Variants in RHCG observed in about 807,000 individuals in gnomAD.
RHCG encodes the protein Rh family C glycoprotein, also known as ammonium transporter Rh type C.
RHCG carries 39 observed loss-of-function variants against 55.3 expected under a neutral mutation model. That is an observed-to-expected ratio of 0.70 (90% CI 0.55 to 0.92). RHCG has a LOEUF of 0.92. RHCG is among the 40% of genes least tolerant of loss of function. The pLI is 0.00. For synonymous variants in RHCG, 250 were observed against 246.8 expected (o/e 1.01, Z -0.12); for missense variants, 635 against 627.9 (o/e 1.01, Z -0.12).
Position 89,486,788 on chromosome 15 carries a change from C to T in RHCG, c.371+11G>A, listed in dbSNP as rs770508678. The T allele has an allele frequency of 2.8e-5, 44 of 1,578,718 alleles. 1 individual carries two copies. In the South Asian group the frequency reaches 4.9e-4, roughly 18 times the overall value. The stretch of plus-strand genomic sequence containing the variant: ...AGTCCGCCACGCCCCCGGGGCCCGC[C>T]CTGCGCTCACTTCTCCACGCCCACG... On this transcript the variant is annotated intron_variant, in intron 2 of 10. Transcript: ENST00000268122.
Position 89,479,345 on chromosome 15 carries a change from G to A in RHCG, c.814C>T (p.His272Tyr). The A allele has an allele frequency of 6.2e-7, 1 of 1,614,036 alleles. No homozygotes were observed. Among genetic ancestry groups the A allele is most frequent in the Non-Finnish European group, 8.5e-7 (1 of 1,179,984 alleles). The change falls in exon 5 of 11, where the codon CAC becomes TAC. Residue 272 changes from histidine to tyrosine, a missense_variant. His to Tyr is a moderately conservative substitution (Grantham distance 83). Coordinates refer to ENST00000268122, the MANE Select transcript of RHCG (RefSeq NM_016321.3). ...LTSVAISSAL[H>Y]KKGKLDMVHI... ...ACCATGTCCAGCTTGCCCTTCTTGT[G>A]CAGGGCACTGGATATTGCCACCGAG...
At chr15:89,478,048 C>A in intron 5 of RHCG, 74 bp from the exon 6 acceptor site, 1 of 1,531,202 alleles carries the variant, frequency 6.5e-7, no homozygotes, top group Non-Finnish European at 8.8e-7. Flanking sequence ...AGCTCACTTG[C>A]TGGCTGTGCA....
intron 1 of RHCG, 134 bp from the exon 2 acceptor site, chr15:89,487,119 A>C: frequency 2.6e-6 from 2 of 759,976 alleles, no homozygotes; most frequent in Non-Finnish European, 3.9e-6. Flanking sequence ...CACCATCCTA[A>C]CCCGGTTCCC....
chr15:89,475,012 G>A (rs1347870967), intron 9 of RHCG, among the ~76,000 whole-genome samples: 3 of 79,284 alleles, frequency 3.8e-5, no homozygotes, highest in South Asian at 4.0e-4. Context: ...CTTCCTGCCC[G>A]CCTTCCTTCC....
chr15:89,489,761 C>A (rs541206979), intron 1 of RHCG, among the ~76,000 whole-genome samples: 1 of 152,320 alleles, frequency 6.6e-6, no homozygotes, highest in Non-Finnish European at 1.5e-5. Context: ...ATTGTCACCT[C>A]ATTAGAGAGG....
intron 1 of RHCG, among the ~76,000 whole-genome samples, chr15:89,495,184 T>C (rs1386900409): frequency 2.6e-5 from 4 of 152,192 alleles, no homozygotes; most frequent in African/African-American, 4.8e-5. Context: ...ATGCAGCCCA[T>C]GATAGCCCTA....
At chr15:89,488,548 T>G (rs1468084829) in intron 1 of RHCG, among the ~76,000 whole-genome samples, 1 of 152,186 alleles carries the variant, frequency 6.6e-6, no homozygotes, top group Non-Finnish European at 1.5e-5. Flanking sequence ...ACCTATCCCC[T>G]AGGTGGGATT....
chr15:89,486,403 T>C (rs1596406564), intron 2 of RHCG: 1 of 456,692 alleles, frequency 2.2e-6, no homozygotes, highest in East Asian at 6.9e-5. Context: ...GCGATTTTGA[T>C]GTGCCGGGCC....
At chr15:89,480,923 C>T (rs1358905775) in intron 3 of RHCG, among the ~76,000 whole-genome samples, 1 of 152,194 alleles carries the variant, frequency 6.6e-6, no homozygotes, top group Non-Finnish European at 1.5e-5. Flanking sequence ...TCTTTTACCT[C>T]CTCCTTCCTC....
intron 1 of RHCG, 53 bp downstream of exon 1, chr15:89,496,308 G>A (rs1961564517): frequency 1.9e-6 from 3 of 1,594,952 alleles, no homozygotes; most frequent in Non-Finnish European, 2.6e-6. Context: ...CCTTGGCCAG[G>A]TGGGGACCGG....
In RHCG at chr15:89,477,161, G is replaced by T. The variant is rs147663877; in HGVS notation, c.1158C>A (p.Thr386=). The stretch of plus-strand genomic sequence containing the variant: ...TCTGGAACTTTCCCTGTGTTCTTGC[G>T]GTCCAGTCCCCGTTGAAACCTTGAA... ...FDFQGFNGDW[T]ARTQGKFQIY... is the part of the protein sequence containing the mutation. The change falls in exon 8 of 11, where the codon ACC becomes ACA. Residue 386 remains threonine (T), a synonymous_variant. Coordinates refer to ENST00000268122, the MANE Select transcript of RHCG (RefSeq NM_016321.3). This position sits in a 1 kb window ranked among gnomAD's most constrained non-coding sequence, Gnocchi z 4.5. 1.9e-5 allele frequency: 31 copies of T among 1,613,998 alleles called. No individual in the cohort carries two copies. In the African/African-American group the frequency reaches 3.6e-4, roughly 19 times the overall value.
At chr15:89,485,179 A>T (rs560873799) in intron 2 of RHCG, among the ~76,000 whole-genome samples, 13 of 151,022 alleles carry the variant, frequency 8.6e-5, no homozygotes, top group African/African-American at 2.2e-4. Context: ...GGTTTGTAAT[A>T]ATTCCCTTTG....
intron 1 of RHCG, among the ~76,000 whole-genome samples, chr15:89,487,676 AGTT>A (rs1212413072): frequency 1.3e-5 from 2 of 152,192 alleles, no homozygotes; most frequent in Admixed American, 6.5e-5. Context: ...ACTCTGGGAA[AGTT>A]AAGTATTTTA....
chr15:89,478,373 C>T (rs145806075), intron 5 of RHCG, among the ~76,000 whole-genome samples: 56 of 152,300 alleles, frequency 3.7e-4, no homozygotes, highest in African/African-American at 1.1e-3. Context: ...GACATAGGCA[C>T]GCACCAGCTG....
At position 89,496,487 on chromosome 15, in the gene RHCG, C is replaced by G; in HGVS notation, c.58G>C (p.Val20Leu). Reference protein sequence around the residue: ...RLPLTCLLLQVIMVILFGVFV... With the variant: ...RLPLTCLLLQLIMVILFGVFV... ...ACCCCGAAGAGAATCACCATAATCA[C>G]CTGCAGGAGCAGGCAGGTGAGCGGC... The change falls in exon 1 of 11, where the codon GTG becomes CTG. Residue 20 changes from valine to leucine, a missense_variant. Val to Leu is a conservative substitution (Grantham distance 32). Transcript: ENST00000268122. The G allele has an allele frequency of 1.2e-6, 2 of 1,613,852 alleles. No individual in the cohort carries two copies. Among genetic ancestry groups the G allele is most frequent in the Non-Finnish European group, 1.7e-6 (2 of 1,179,944 alleles).
In RHCG at chr15:89,477,002, GTGCCGCATGCCCTT is replaced by G. The variant is rs1302563549; in HGVS notation, c.1237+66_1237+79del. The G allele has an allele frequency of 6.3e-7, 1 of 1,597,100 alleles. No homozygotes were observed. The highest frequency in any genetic ancestry group is 2.2e-5 in the East Asian group (1 of 44,752). On this transcript the variant is annotated intron_variant, in intron 8 of 10. Transcript: ENST00000268122. The surrounding 1 kb of genome is among the most constrained non-coding windows in gnomAD (Gnocchi z 4.5). ...GATTCCTGGGGGCTCAGGCTGACCT[GTGCCGCATGCCCTT>G]TGCTTCTCCACCCAGGGAGCCCCAC... is the stretch of plus-strand genomic sequence containing the variant.
intron 9 of RHCG, among the ~76,000 whole-genome samples, chr15:89,473,225 G>A (rs1023015075): frequency 2.0e-5 from 3 of 152,226 alleles, no homozygotes; most frequent in African/African-American, 7.2e-5. Flanking sequence ...ACTTTTAAAA[G>A]ATGAATTGGA....
At position 89,492,182 on chromosome 15, in the gene RHCG, G is replaced by T. The variant is rs1961488737; in HGVS notation, c.184+4179C>A. ...GGAGGTCCCTGATGGGGCAGGGCTG[G>T]CACTCTGGCCTCCAGGGGGCACCAG... is the stretch of plus-strand genomic sequence containing the variant. On this transcript the variant is annotated intron_variant, in intron 1 of 10. Coordinates refer to ENST00000268122, the MANE Select transcript of RHCG (RefSeq NM_016321.3). 1.3e-5 allele frequency among the ~76,000 whole-genome samples: 2 copies of T among 152,088 alleles called. 1 individual carries two copies. The highest frequency in any genetic ancestry group is 4.1e-4 in the South Asian group (2 of 4,820).
intron 2 of RHCG, among the ~76,000 whole-genome samples, chr15:89,484,239 C>A (rs1961320111): frequency 6.6e-6 from 1 of 152,204 alleles, no homozygotes; most frequent in Non-Finnish European, 1.5e-5. Flanking sequence ...TCATTCACCG[C>A]TGTGTCCCCA....
Sources: gnomAD v4.1 joint callset for allele counts (sites outside exome capture counted in the v4.1 genomes callset) on GRCh38, gnomAD v4.1.1 for gene constraint, Gnocchi (gnomAD v3.1) non-coding constraint, MANE v1.5 for transcripts, NCBI Gene and HGNC (gene_info 2026-07-23, HGNC 2026-07-21) for gene names.